PIK3C2G: variants seen among roughly 807,000 people sequenced by gnomAD.
PIK3C2G encodes phosphatidylinositol-4-phosphate 3-kinase catalytic subunit type 2 gamma, also known as phosphatidylinositol 3-kinase C2 domain-containing subunit gamma.
PIK3C2G carries 168 observed loss-of-function variants against 181.1 expected under a neutral mutation model. That is an observed-to-expected ratio of 0.93 (90% CI 0.82 to 1.05). PIK3C2G has a LOEUF of 1.05. PIK3C2G is among the 50% of genes least tolerant of loss of function. The pLI, the probability that PIK3C2G is intolerant of heterozygous loss-of-function variation, is 0.00. For synonymous variants in PIK3C2G, 573 were observed against 592.2 expected, an observed-to-expected ratio of 0.97 and a Z score of 0.47; for missense variants, 1,869 against 1,732.8, an observed-to-expected ratio of 1.08 and a Z score of -1.40.
At chr12:18,688,250 G>A in the PIK3C2G span, 2 of 1,578,948 alleles carry the variant, frequency 1.3e-6, no homozygotes, top group East Asian at 2.3e-5. Flanking sequence ...TAAGAATTTA[G>A]CAAGATATTA....
chr12:18,424,720 TG>T (rs1945692442), intron 18 of PIK3C2G: 1 of 213,462 alleles, frequency 4.7e-6, no homozygotes, highest in African/African-American at 2.3e-5. Flanking sequence ...CAGTTGCTAG[TG>T]GAGACTAACG....
chr12:18,535,219 T>C (rs2136230615), intron 24 of PIK3C2G, among the ~76,000 whole-genome samples: 1 of 152,190 alleles, frequency 6.6e-6, no homozygotes, highest in East Asian at 1.9e-4. Context: ...GTTTCACATA[T>C]GAAGTTTCTT....
At chr12:18,452,975 T>G (rs1398990018) in intron 18 of PIK3C2G, among the ~76,000 whole-genome samples, 1 of 152,184 alleles carries the variant, frequency 6.6e-6, no homozygotes, top group Non-Finnish European at 1.5e-5. Flanking sequence ...GAGGAGTGTT[T>G]TACTTCCAAT....
chr12:18,321,925 A>C (rs932855216), intron 7 of PIK3C2G, among the ~76,000 whole-genome samples: 2 of 152,118 alleles, frequency 1.3e-5, no homozygotes, highest in Non-Finnish European at 2.9e-5. Context: ...AACAACACAC[A>C]CTGGGGCCCA....
At position 18,640,992 on chromosome 12, in the gene PIK3C2G, T is replaced by C. The variant is rs76205031; in HGVS notation, c.4308+438T>C. Among the ~76,000 whole-genome samples, 795 of 152,330 alleles carry C rather than the reference T, an allele frequency of 5.2e-3. 7 individuals carry two copies. The highest frequency in any genetic ancestry group is 8.7e-3 in the Non-Finnish European group (592 of 68,030). On this transcript the variant is annotated intron_variant, in intron 32 of 32. Coordinates refer to ENST00000538779, the MANE Select transcript of PIK3C2G (RefSeq NM_001288772.2). The stretch of plus-strand genomic sequence containing the variant: ...TACAAATGGAAGTTAATGTATATTA[T>C]AAATAGCTCTCTAATTTATTTGTAA...
At chr12:18,286,615 C>T (rs906018254) in intron 2 of PIK3C2G, among the ~76,000 whole-genome samples, 1 of 151,844 alleles carries the variant, frequency 6.6e-6, no homozygotes, top group Non-Finnish European at 1.5e-5. Flanking sequence ...AAGAAATGTT[C>T]TATATTGTCA....
intron 24 of PIK3C2G, among the ~76,000 whole-genome samples, chr12:18,507,960 C>A (rs1175391753): frequency 6.6e-6 from 1 of 152,174 alleles, no homozygotes; most frequent in Non-Finnish European, 1.5e-5. Flanking sequence ...TTAAACCTTT[C>A]TTAAGCAGTA....
At chr12:18,424,443 T>C (rs11044100) in intron 18 of PIK3C2G, among the ~76,000 whole-genome samples, 37,245 of 152,102 alleles carry the variant, frequency 0.24, 4,891 homozygotes, top group Admixed American at 0.35. Context: ...ACCATAAAAT[T>C]CAAAGGCTAA....
chr12:18,401,506 T>G (rs556990755), intron 16 of PIK3C2G, among the ~76,000 whole-genome samples: 6 of 152,284 alleles, frequency 3.9e-5, no homozygotes, highest in South Asian at 2.1e-4. Context: ...AAGTTAGACT[T>G]GGGCTATTAG....
intron 31 of PIK3C2G, among the ~76,000 whole-genome samples, chr12:18,632,218 C>T (rs1949378926): frequency 6.6e-6 from 1 of 152,060 alleles, no homozygotes; most frequent in Non-Finnish European, 1.5e-5. Context: ...TTGGAGATAC[C>T]TTATCCAATC....
chr12:18,257,458 G>C (rs1948157075), upstream of PIK3C2G, among the ~76,000 whole-genome samples: 2 of 152,080 alleles, frequency 1.3e-5, no homozygotes, highest in Non-Finnish European at 2.9e-5. Context: ...TCACCACTGG[G>C]ACTATTGCAG....
At chr12:18,357,882 A>G (rs1940890638) in intron 11 of PIK3C2G, among the ~76,000 whole-genome samples, 1 of 152,222 alleles carries the variant, frequency 6.6e-6, no homozygotes, top group Non-Finnish European at 1.5e-5. Context: ...TATTTAATTT[A>G]GCATAATGTC....
the PIK3C2G span, among the ~76,000 whole-genome samples, chr12:18,659,919 A>G: frequency 1.3e-5 from 2 of 152,158 alleles, no homozygotes; most frequent in Non-Finnish European, 2.9e-5. Context: ...GACTGAAATA[A>G]AAGAACTCTA....
Position 18,420,982 on chromosome 12 carries a change from TAGAC to T in PIK3C2G, c.2359_2362del (p.Asp787ThrfsTer3). ...ATTCGTAAAGTGGCAGTTCAACAATTAGACAACCTCTTGAATGATGAACTACTGG... is the reference window on the plus strand; with the variant it reads ...ATTCGTAAAGTGGCAGTTCAACAATTAACCTCTTGAATGATGAACTACTGG... On this transcript the variant is annotated frameshift_variant, in exon 17 of 33. Coordinates refer to ENST00000538779, the MANE Select transcript of PIK3C2G (RefSeq NM_001288772.2). LOFTEE classifies it high-confidence loss of function. 1 of 1,606,796 alleles carries T rather than the reference TAGAC, an allele frequency of 6.2e-7. No individual in the cohort carries two copies. The highest frequency in any genetic ancestry group is 1.1e-5 in the South Asian group (1 of 90,858).
chr12:18,346,958 A>G, intron 11 of PIK3C2G, 122 bp downstream of exon 11: 1 of 521,922 alleles, frequency 1.9e-6, no homozygotes, highest in Non-Finnish European at 3.3e-6. Context: ...ATTAATCAGC[A>G]TAGTTTTATC....
chr12:18,490,278 G>A (rs1565443015), intron 19 of PIK3C2G, among the ~76,000 whole-genome samples: 3 of 152,120 alleles, frequency 2.0e-5, no homozygotes. Context: ...GGGAGCTGTG[G>A]ATTCTATTAT....
At chr12:18,546,805 A>C (rs183786703) in intron 26 of PIK3C2G, among the ~76,000 whole-genome samples, 1 of 152,144 alleles carries the variant, frequency 6.6e-6, no homozygotes, top group African/African-American at 2.4e-5. Context: ...TTCCTATGTA[A>C]GACAATACAA....
At chr12:18,551,909 A>G (rs2136293125) in intron 26 of PIK3C2G, among the ~76,000 whole-genome samples, 1 of 152,272 alleles carries the variant, frequency 6.6e-6, no homozygotes, top group African/African-American at 2.4e-5. Flanking sequence ...CTTTGACTTA[A>G]CTAGTTGCCT....
intron 7 of PIK3C2G, among the ~76,000 whole-genome samples, chr12:18,321,724 C>A (rs1049766919): frequency 6.6e-6 from 1 of 152,102 alleles, no homozygotes; most frequent in Non-Finnish European, 1.5e-5. Flanking sequence ...CAGTGATTGA[C>A]TGGATAAAGA....
Sources: gnomAD v4.1 joint callset for allele counts (sites outside exome capture counted in the v4.1 genomes callset) on GRCh38, gnomAD v4.1.1 for gene constraint, MANE v1.5 for transcripts, NCBI Gene and HGNC (gene_info 2026-07-23, HGNC 2026-07-21) for gene names.